LZTS3: variants seen among roughly 807,000 people sequenced by gnomAD.
LZTS3 encodes the protein leucine zipper putative tumor suppressor 3.
In LZTS3, 16 loss-of-function variants were observed where a neutral mutation model predicts 50.9. That is an observed-to-expected ratio of 0.31 (90% CI 0.21 to 0.48). The LOEUF (loss-of-function observed/expected upper bound fraction) is 0.48. Ranked by LOEUF, LZTS3 falls within the 20% of genes least tolerant of loss-of-function variation. The pLI is 0.99. For missense variants in LZTS3, 816 were observed against 931.0 expected (o/e 0.88, Z 1.61); for synonymous variants, 408 against 410.6 (o/e 0.99, Z 0.08).
At chr20:3,168,928 G>A (rs2066869337) in intron 1 of LZTS3, among the ~76,000 whole-genome samples, 2 of 152,128 alleles carry the variant, frequency 1.3e-5, no homozygotes, top group African/African-American at 2.4e-5. Context: ...GTTGTCCTTC[G>A]GGAGTCTTCT....
At position 3,166,166 on chromosome 20, in the gene LZTS3, G is replaced by A. The variant is rs1017396424; in HGVS notation, c.654C>T (p.Asp218=). The change falls in exon 4 of 5, where the codon GAC becomes GAT. Residue 218 remains aspartate (D), a synonymous_variant. Coordinates refer to ENST00000337576, the MANE Select transcript of LZTS3 (RefSeq NM_001365618.1). ...GGCTTGTGAGGGAGTTCCGGCCTGA[G>A]TCTGAGAGGCCACTCCCACTCCCAC... ...PAGGSGSGLS[D]SGRNSLTSLP... is the part of the protein sequence containing the mutation. 2 of 1,613,910 alleles carry A rather than the reference G, an allele frequency of 1.2e-6. No individual in the cohort carries two copies. Among genetic ancestry groups the A allele is most frequent in the East Asian group, 2.2e-5 (1 of 44,878 alleles).
In LZTS3 at chr20:3,169,641, G is replaced by A. The variant is rs969366762; in HGVS notation, c.-242-1680C>T. 3.3e-5 allele frequency among the ~76,000 whole-genome samples: 5 copies of A among 152,090 alleles called. No homozygotes were observed. The East Asian group carries it at 5.8e-4, about 18-fold the overall frequency. On this transcript the variant is annotated intron_variant, in intron 1 of 4. Transcript: ENST00000337576. ...TGCCTGTAATCCCAGCACTTTGGGA[G>A]GTCAAGGTGGGCAGATTACTTGAGG...
rs374430912 is a variant in LZTS3 at position 3,165,554 on chromosome 20, G to T, written c.1266C>A (p.Ala422=). 3.8e-6 allele frequency: 6 copies of T among 1,582,922 alleles called. No homozygotes were observed. Among genetic ancestry groups the T allele is most frequent in the Non-Finnish European group, 5.1e-6 (6 of 1,171,148 alleles). The change falls in exon 4 of 5, where the codon GCC becomes GCA. Residue 422 remains alanine, a synonymous_variant. Transcript: ENST00000337576. The surrounding 1 kb of genome is among the most constrained non-coding windows in gnomAD (Gnocchi z 5.0). ...AGTCGGCCTGCTCCTTCTGGCAGGC[G>T]GCCACCTTGTCCTCCAGCTCTTCCC... ...RQREELEDKV[A]ACQKEQADFL...
At chr20:3,169,235 T>C (rs1007129239) in intron 1 of LZTS3, among the ~76,000 whole-genome samples, 58 of 152,300 alleles carry the variant, frequency 3.8e-4, no homozygotes, top group Non-Finnish European at 2.9e-4. Context: ...CTCTAGTCCC[T>C]GCTCTGCCTC....
chr20:3,165,048 C>T lies in LZTS3; in HGVS notation c.1428G>A (p.Gln476=), dbSNP rs1245296084. 17 of 1,576,496 alleles carry T rather than the reference C, an allele frequency of 1.1e-5. 1 individual carries two copies. In the South Asian group the frequency reaches 1.9e-4, roughly 17 times the overall value. The part of the protein sequence containing the change: ...KLSEIVGLRS[Q]LREGRASLRE... ...GCAGCGAAGCCCGGCCCTCCCGCAG[C>T]TGCGAGCGCAGTCCCACGATCTCAC... is the stretch of plus-strand genomic sequence containing the variant. The change falls in exon 5 of 5, where the codon CAG becomes CAA. Residue 476 remains glutamine, a synonymous_variant. Transcript: ENST00000337576. This position sits in a 1 kb window ranked among gnomAD's most constrained non-coding sequence, Gnocchi z 5.0.
At position 3,165,043 on chromosome 20, in the gene LZTS3, C is replaced by T; in HGVS notation, c.1433G>A (p.Arg478Gln). 1 of 1,572,686 alleles carries T rather than the reference C, an allele frequency of 6.4e-7. No homozygotes were observed. The highest frequency in any genetic ancestry group is 1.2e-5 in the South Asian group (1 of 85,932). The stretch of plus-strand genomic sequence containing the variant: ...CTCCCGCAGCGAAGCCCGGCCCTCC[C>T]GCAGCTGCGAGCGCAGTCCCACGAT... ...SEIVGLRSQL[R>Q]EGRASLREKE... is the part of the protein sequence containing the mutation. Residue 478 changes from arginine (R) to glutamine (Q), a missense_variant, in exon 5 of 5, where the codon CGG becomes CAG. Arg to Gln is a conservative substitution (Grantham distance 43). This residue lies in a region of LZTS3 where 700 missense variants were observed against 769.4 expected (regional missense o/e 0.91). Transcript: ENST00000337576. This position sits in a 1 kb window ranked among gnomAD's most constrained non-coding sequence, Gnocchi z 5.0.
At position 3,165,389 on chromosome 20, in the gene LZTS3, T is replaced by TGGGG; in HGVS notation, c.1323+107_1323+108insCCCC. ...TTGATTTTTGTCCCCCCTGCTCCTT[T>TGGGG]CATCCCCCCCCCCATCCCACCGTTA... On this transcript the variant is annotated intron_variant, in intron 4 of 4. Coordinates refer to ENST00000337576, the MANE Select transcript of LZTS3 (RefSeq NM_001365618.1). The surrounding 1 kb of genome is among the most constrained non-coding windows in gnomAD (Gnocchi z 5.0). 2.4e-6 allele frequency: 3 copies of TGGGG among 1,229,588 alleles called. No individual in the cohort carries two copies. The highest frequency in any genetic ancestry group is 3.2e-6 in the Non-Finnish European group (3 of 926,158). The allele number at this position is 1,229,588 out of a possible 1,614,324, so 76.2% of individuals were successfully genotyped here. A position where few individuals can be genotyped will look rare whatever the true frequency, so the allele number is the denominator to read the frequency against.
rs537680418 is a variant in LZTS3, at chr20:3,166,419, C to A, written c.460-59G>T. ...GATGAGGCCTTGGGCTTGGCCCAGG[C>A]TCTTCCCTCTGGCCAAGACTTGTCC... On this transcript the variant is annotated intron_variant, in intron 3 of 4. Transcript: ENST00000337576. 3.9e-6 allele frequency: 6 copies of A among 1,519,770 alleles called. No individual in the cohort carries two copies. In the South Asian group the frequency reaches 7.9e-5, roughly 20 times the overall value. 94.1% of individuals were successfully genotyped at this position (1,519,770 alleles called of 1,614,324 possible). A position where few individuals can be genotyped will look rare whatever the true frequency, so the allele number is the denominator to read the frequency against.
At chr20:3,169,786 G>A (rs779170370) in intron 1 of LZTS3, among the ~76,000 whole-genome samples, 3 of 150,266 alleles carry the variant, frequency 2.0e-5, no homozygotes, top group South Asian at 2.1e-4. Context: ...GCTGAGGCAC[G>A]AGAACCCCCT....
chr20:3,164,382 G>A lies in LZTS3; in HGVS notation c.*72C>T. 2 of 1,434,422 alleles carry A rather than the reference G, an allele frequency of 1.4e-6. No homozygotes were observed. The highest frequency in any genetic ancestry group is 1.4e-5 in the South Asian group (1 of 69,452). 88.9% of individuals were successfully genotyped at this position (1,434,422 alleles called of 1,614,324 possible). ...TATGGGGTCTATGGGGAAGAGAGAT[G>A]GAGGGGAGGGGACACTGGGGACTCT... is the stretch of plus-strand genomic sequence containing the variant. On this transcript the variant is annotated 3_prime_UTR_variant, in exon 5 of 5. Transcript: ENST00000337576.
At position 3,165,806 on chromosome 20, in the gene LZTS3, C is replaced by G; in HGVS notation, c.1014G>C (p.Leu338=). 1.3e-6 allele frequency: 2 copies of G among 1,598,684 alleles called. No homozygotes were observed. The highest frequency in any genetic ancestry group is 8.5e-7 in the Non-Finnish European group (1 of 1,177,756). The change falls in exon 4 of 5, where the codon CTG becomes CTC. Residue 338 remains leucine, a synonymous_variant. Coordinates refer to ENST00000337576, the MANE Select transcript of LZTS3 (RefSeq NM_001365618.1). The surrounding 1 kb of genome is among the most constrained non-coding windows in gnomAD (Gnocchi z 5.0). ...CCTCGCTCTGCTCCAGGCTGCGCCG[C>G]AGAGCTGCCACCTCCTGCTCCTTCT... ...LWEKEQEVAA[L]RRSLEQSEAA...
At chr20:3,172,823 A>T (rs922977267) in intron 1 of LZTS3, among the ~76,000 whole-genome samples, 7 of 152,092 alleles carry the variant, frequency 4.6e-5, no homozygotes, top group Non-Finnish European at 1.0e-4. Context: ...GAGGAAAGGG[A>T]TCTGGGGGCA....
Position 3,165,815 on chromosome 20 carries a change from C to A in LZTS3, c.1005G>T (p.Val335=). The change falls in exon 4 of 5, where the codon GTG becomes GTT. Residue 335 remains valine, a synonymous_variant. Transcript: ENST00000337576. The surrounding 1 kb of genome is among the most constrained non-coding windows in gnomAD (Gnocchi z 5.0). ...GCTCCAGGCTGCGCCGCAGAGCTGC[C>A]ACCTCCTGCTCCTTCTCCCACAGCC... ...EERLWEKEQE[V]AALRRSLEQS... 6.2e-7 allele frequency: 1 copy of A among 1,601,010 alleles called. No individual in the cohort carries two copies. Among genetic ancestry groups the A allele is most frequent in the South Asian group, 1.1e-5 (1 of 90,744 alleles).
chr20:3,164,140 A>T lies in LZTS3; in HGVS notation c.*314T>A. ...GGACTGGGGCACCTTATGGCACTGC[A>T]CGTCTGCTGCCTCCATCTCCAACAA... On this transcript the variant is annotated 3_prime_UTR_variant, in exon 5 of 5. Coordinates refer to ENST00000337576, the MANE Select transcript of LZTS3 (RefSeq NM_001365618.1). 3.2e-6 allele frequency: 1 copy of T among 308,410 alleles called. No individual in the cohort carries two copies. The highest frequency in any genetic ancestry group is 5.9e-6 in the Non-Finnish European group (1 of 170,362). 19.1% of individuals were successfully genotyped at this position (308,410 alleles called of 1,614,324 possible). A position where few individuals can be genotyped will look rare whatever the true frequency, so the allele number is the denominator to read the frequency against.
At position 3,166,029 on chromosome 20, in the gene LZTS3, C is replaced by T; in HGVS notation, c.791G>A (p.Ser264Asn). The part of the protein sequence containing the change: ...ASYGSGSGGS[S>N]GGGSGYQDLG... Reference sequence around the variant, plus strand: ...GTCCTGGTAGCCCGACCCCCCACCGCTGCTGCCGCCACTACCACTACCATA... The same window carrying T: ...GTCCTGGTAGCCCGACCCCCCACCGTTGCTGCCGCCACTACCACTACCATA... Residue 264 changes from serine (S) to asparagine (N), a missense_variant, in exon 4 of 5, where the codon AGC becomes AAC. This residue lies in a region of LZTS3 where 700 missense variants were observed against 769.4 expected (regional missense o/e 0.91). Transcript: ENST00000337576. 1 of 1,612,512 alleles carries T rather than the reference C, an allele frequency of 6.2e-7. No individual in the cohort carries two copies. The highest frequency in any genetic ancestry group is 8.5e-7 in the Non-Finnish European group (1 of 1,179,346).
At chr20:3,169,233 C>A (rs1481463852) in intron 1 of LZTS3, among the ~76,000 whole-genome samples, 1 of 152,134 alleles carries the variant, frequency 6.6e-6, no homozygotes, top group Non-Finnish European at 1.5e-5. Flanking sequence ...CACTCTAGTC[C>A]CTGCTCTGCC....
chr20:3,165,432 T>C lies in LZTS3; in HGVS notation c.1323+65A>G. 11 of 1,105,074 alleles carry C rather than the reference T, an allele frequency of 1.0e-5. No individual in the cohort carries two copies. The highest frequency in any genetic ancestry group is 1.2e-5 in the Non-Finnish European group (10 of 844,784). 68.5% of individuals were successfully genotyped at this position (1,105,074 alleles called of 1,614,324 possible). ...CACCGTTATGATAGTGAGGGGCAAC[T>C]GCTCTGGGGTTTCCCAGAGGGACAG... On this transcript the variant is annotated intron_variant, in intron 4 of 4. Transcript: ENST00000337576. The surrounding 1 kb of genome is among the most constrained non-coding windows in gnomAD (Gnocchi z 5.0).
At position 3,167,063 on chromosome 20, in the gene LZTS3, C is replaced by A. The variant is rs779363077; in HGVS notation, c.101G>T (p.Arg34Leu). The change falls in exon 3 of 5, where the codon CGC (arginine) becomes CTC (leucine). Residue 34 changes from arginine (R) to leucine (L), a missense_variant. This residue lies in a region of LZTS3 where 700 missense variants were observed against 769.4 expected (regional missense o/e 0.91). Coordinates refer to ENST00000337576, the MANE Select transcript of LZTS3 (RefSeq NM_001365618.1). ...RPSELGPPDP[R>L]LAMGSVGSGV... ...ACTGCCCACGCTGCCCATGGCCAGG[C>A]GGGGGTCCGGGGGTCCAAGCTCGGA... 6.4e-7 allele frequency: 1 copy of A among 1,550,814 alleles called. No homozygotes were observed. The highest frequency in any genetic ancestry group is 8.7e-7 in the Non-Finnish European group (1 of 1,151,140).
intron 1 of LZTS3, among the ~76,000 whole-genome samples, chr20:3,173,150 T>C (rs2066919711): frequency 6.6e-6 from 1 of 152,044 alleles, no homozygotes; most frequent in Non-Finnish European, 1.5e-5. Context: ...GTCCCTGCGA[T>C]GGGGGAAACC....
Sources: allele counts gnomAD v4.1 joint callset (sites outside exome capture counted in the v4.1 genomes callset), GRCh38; gene constraint gnomAD v4.1.1; regional missense constraint gnomAD v4.1.1; non-coding constraint Gnocchi (gnomAD v3.1); transcripts MANE v1.5; gene names NCBI Gene and HGNC (gene_info 2026-07-23, HGNC 2026-07-21).